The following AFF2 variants were observed in gnomAD, a reference collection of about 807,000 sequenced individuals.
The protein encoded by AFF2 is AF4/FMR2 family member 2.
A neutral mutation model predicts 76.9 loss-of-function variants in AFF2; 14 were observed. That is an observed-to-expected ratio of 0.18 (90% CI 0.12 to 0.28). AFF2 has a LOEUF of 0.28. Among genes scored for constraint, AFF2 ranks in the 10% least tolerant of loss-of-function variants. The pLI is 1.00. For synonymous variants in AFF2, 398 were observed against 366.7 expected, an observed-to-expected ratio of 1.09 and a Z score of -0.98; for missense variants, 868 against 1,001.1, an observed-to-expected ratio of 0.87 and a Z score of 1.79.
chrX:148,765,207 C>T (rs781841507), intron 3 of AFF2, among the ~76,000 whole-genome samples: 19 of 111,732 alleles, frequency 1.7e-4, no homozygotes, highest in African/African-American at 5.8e-4. Flanking sequence ...TTCTTTACCT[C>T]TTGTTCTGTT....
chrX:148,851,734 T>G (rs1456476023), intron 7 of AFF2, among the ~76,000 whole-genome samples: 2 of 112,007 alleles, frequency 1.8e-5, no homozygotes, highest in African/African-American at 3.2e-5. Flanking sequence ...ATAGAATATT[T>G]CTTCTTTTTT....
intron 1 of AFF2, among the ~76,000 whole-genome samples, chrX:148,559,112 T>C (rs2053082486): frequency 9.0e-6 from 1 of 111,358 alleles, no homozygotes; most frequent in African/African-American, 3.3e-5. Context: ...AAAATGGACT[T>C]CTTTTCTACT....
At chrX:148,952,497 G>A (rs1305268780) in intron 9 of AFF2, among the ~76,000 whole-genome samples, 3 of 111,628 alleles carry the variant, frequency 2.7e-5, no homozygotes, top group Non-Finnish European at 5.6e-5. Flanking sequence ...CCAAAGAGGG[G>A]TTAGGCTGAA....
At chrX:148,895,488 A>G (rs1159704952) in intron 8 of AFF2, among the ~76,000 whole-genome samples, 2 of 110,528 alleles carry the variant, frequency 1.8e-5, no homozygotes, top group East Asian at 5.7e-4. Flanking sequence ...CTTTTGTCTT[A>G]TTGACAACAA....
chrX:148,819,868 G>C (rs1229542980), intron 4 of AFF2, among the ~76,000 whole-genome samples: 1 of 111,370 alleles, frequency 9.0e-6, no homozygotes, highest in Non-Finnish European at 1.9e-5. Context: ...ACGATTTATT[G>C]AAAAGATTGT....
At position 148,561,749 on chromosome X, in the gene AFF2, C is replaced by A. The variant is rs998184048; in HGVS notation, c.47+60605C>A. Among the ~76,000 whole-genome samples the A allele has an allele frequency of 2.0e-4, 22 of 111,477 alleles. No individual in the cohort carries two copies. In the Admixed American group the frequency reaches 2.1e-3, roughly 11 times the overall value. The stretch of plus-strand genomic sequence containing the variant: ...AACCTAAATGGTCTGTGTGGCCAAG[C>A]TGTTTGGAAGCCTACTTTACTTTTT... On this transcript the variant is annotated intron_variant, in intron 1 of 20. Transcript: ENST00000370460.
At chrX:148,784,316 T>A (rs1181158165) in intron 3 of AFF2, among the ~76,000 whole-genome samples, 1 of 111,980 alleles carries the variant, frequency 8.9e-6, no homozygotes, top group East Asian at 2.8e-4. Context: ...GTTCAGCCCC[T>A]AGTGCTGAGC....
intron 7 of AFF2, among the ~76,000 whole-genome samples, chrX:148,874,057 A>C (rs782323422): frequency 8.9e-6 from 1 of 111,791 alleles, no homozygotes; most frequent in Non-Finnish European, 1.9e-5. Flanking sequence ...TATGAATAAT[A>C]GGATAGAAAT....
intron 9 of AFF2, among the ~76,000 whole-genome samples, chrX:148,945,449 G>A (rs782061643): frequency 1.8e-5 from 2 of 111,938 alleles, no homozygotes; most frequent in African/African-American, 3.3e-5. Flanking sequence ...TTTCAAATTC[G>A]TAACTCACCA....
chrX:148,779,316 T>C (rs1016303956), intron 3 of AFF2, among the ~76,000 whole-genome samples: 2 of 111,952 alleles, frequency 1.8e-5, no homozygotes, highest in Non-Finnish European at 3.8e-5. Context: ...AAATGTATGT[T>C]CTGTTGATTT....
intron 1 of AFF2, among the ~76,000 whole-genome samples, chrX:148,531,391 A>G (rs1478932108): frequency 8.9e-6 from 1 of 112,653 alleles, no homozygotes; most frequent in Non-Finnish European, 1.9e-5. Flanking sequence ...TAGAAGATAC[A>G]GTAGGAAAAC....
intron 3 of AFF2, among the ~76,000 whole-genome samples, chrX:148,762,189 C>T (rs1173632041): frequency 1.8e-5 from 2 of 109,381 alleles, no homozygotes; most frequent in East Asian, 5.7e-4. Flanking sequence ...TCTTTTATCC[C>T]TCACCCTCTC....
chrX:148,833,573 G>A (rs2070481626), intron 4 of AFF2, among the ~76,000 whole-genome samples: 1 of 104,161 alleles, frequency 9.6e-6, no homozygotes, highest in African/African-American at 3.5e-5. Context: ...CTGCACTCCA[G>A]CCTGGGTGAC....
intron 5 of AFF2, among the ~76,000 whole-genome samples, chrX:148,838,515 G>A (rs1364843939): frequency 8.9e-6 from 1 of 111,890 alleles, no homozygotes; most frequent in Non-Finnish European, 1.9e-5. Context: ...GGGAGTTGAG[G>A]AAGTGCTCAC....
intron 3 of AFF2, among the ~76,000 whole-genome samples, chrX:148,804,964 A>G (rs1158344425): frequency 8.9e-6 from 1 of 111,969 alleles, no homozygotes; most frequent in African/African-American, 3.2e-5. Context: ...ATGCATGCAA[A>G]TAAGAACTTC....
chrX:148,740,922 T>C (rs1217908653), intron 3 of AFF2, among the ~76,000 whole-genome samples: 1 of 112,045 alleles, frequency 8.9e-6, no homozygotes, highest in Non-Finnish European at 1.9e-5. Flanking sequence ...GTCTCTCTTC[T>C]GGTTCTAGTC....
chrX:148,794,842 A>G (rs1202054508), intron 3 of AFF2, among the ~76,000 whole-genome samples: 1 of 111,419 alleles, frequency 9.0e-6, no homozygotes, highest in Non-Finnish European at 1.9e-5. Context: ...AACTACATGG[A>G]TAAATCTATG....
In AFF2 at chrX:148,956,167, C is replaced by T. The variant is rs782036518; in HGVS notation, c.2122C>T (p.Arg708Trp). 4 of 1,208,292 alleles carry T rather than the reference C, an allele frequency of 3.3e-6. No homozygotes were observed. The African/African-American group carries it at 5.3e-5, about 16-fold the overall frequency. Residue 708 changes from arginine to tryptophan, a missense_variant, in exon 11 of 21, where the codon CGG (arginine) becomes TGG (tryptophan). Around this residue, in one of 6 missense-constraint regions of AFF2, gnomAD observed 532 missense variants for 564.2 expected, o/e 0.94. Coordinates refer to ENST00000370460, the MANE Select transcript of AFF2 (RefSeq NM_002025.4). ...GCCTGGCAAGATTGTGCCAAAGTCT[C>T]GGGAATTCATTGAAACAGATTCATC... ...RGPGKIVPKSREFIETDSSTS... is the reference protein window; with the variant it reads ...RGPGKIVPKSWEFIETDSSTS...
chrX:148,560,920 C>T (rs1282777845), intron 1 of AFF2, among the ~76,000 whole-genome samples: 2 of 111,491 alleles, frequency 1.8e-5, no homozygotes, highest in East Asian at 2.8e-4. Context: ...CTGTACCCCT[C>T]GCCACTTCAG....
Sources: allele counts gnomAD v4.1 joint callset (sites outside exome capture counted in the v4.1 genomes callset), GRCh38; gene constraint gnomAD v4.1.1; regional missense constraint gnomAD v4.1.1; transcripts MANE v1.5; gene names NCBI Gene and HGNC (gene_info 2026-07-23, HGNC 2026-07-21).